The following CDH13 variants were observed in gnomAD, a reference collection of about 807,000 sequenced individuals.
CDH13 encodes cadherin-13.
A neutral mutation model predicts 63.8 loss-of-function variants in CDH13; 24 were observed. The observed-to-expected ratio is 0.38, with a 90% CI of 0.27 to 0.53. CDH13 has a LOEUF of 0.53. Ranked by LOEUF, CDH13 falls within the 20% of genes least tolerant of loss-of-function variation. CDH13 has a pLI of 0.85. For synonymous variants in CDH13, 503 were observed against 355.3 expected (o/e 1.42, Z -4.67); for missense variants, 1,049 against 903.1 (o/e 1.16, Z -2.07).
intron 10 of CDH13, among the ~76,000 whole-genome samples, chr16:83,693,040 A>C (rs1251305467): frequency 6.6e-6 from 1 of 152,190 alleles, no homozygotes; most frequent in Non-Finnish European, 1.5e-5. Flanking sequence ...CTGAGACTGC[A>C]CCACTACACT....
intron 5 of CDH13, among the ~76,000 whole-genome samples, chr16:83,270,702 C>T (rs2088777182): frequency 6.6e-6 from 1 of 152,170 alleles, no homozygotes; most frequent in Admixed American, 6.5e-5. Context: ...TTTTTCAAGA[C>T]ACGTTCCTAT....
intron 3 of CDH13, among the ~76,000 whole-genome samples, chr16:83,101,581 G>T (rs998222516): frequency 1.3e-5 from 2 of 152,070 alleles, no homozygotes; most frequent in Non-Finnish European, 2.9e-5. Flanking sequence ...ATCACATGAG[G>T]TCAGGAGTTC....
intron 7 of CDH13, among the ~76,000 whole-genome samples, chr16:83,560,907 C>CCG (rs1555573421): frequency 1.3e-5 from 2 of 152,116 alleles, no homozygotes; most frequent in Admixed American, 6.5e-5. Context: ...TGGCCCCCCC[C>CCG]CCGCCCCAGG....
At chr16:83,780,641 G>C (rs1915452410) in intron 12 of CDH13, among the ~76,000 whole-genome samples, 1 of 152,122 alleles carries the variant, frequency 6.6e-6, no homozygotes, top group South Asian at 2.1e-4. Flanking sequence ...CTAATCTGTA[G>C]TTTCTGCCAT....
intron 4 of CDH13, among the ~76,000 whole-genome samples, chr16:83,201,362 A>C (rs940982603): frequency 2.0e-5 from 3 of 152,208 alleles, no homozygotes; most frequent in African/African-American, 7.2e-5. Context: ...CGGTGAAGAA[A>C]AATAAGACAA....
intron 1 of CDH13, among the ~76,000 whole-genome samples, chr16:82,727,849 T>C (rs998095650): frequency 6.6e-6 from 1 of 152,140 alleles, no homozygotes; most frequent in African/African-American, 2.4e-5. Flanking sequence ...CCACCCATCT[T>C]TGCCATTCAA....
intron 6 of CDH13, among the ~76,000 whole-genome samples, chr16:83,361,231 C>T (rs1352730987): frequency 6.6e-6 from 1 of 152,128 alleles, no homozygotes; most frequent in Non-Finnish European, 1.5e-5. Flanking sequence ...TGTTTGTCTT[C>T]TTCTGAGAAG....
chr16:83,621,678 G>A (rs1317955944), intron 8 of CDH13, among the ~76,000 whole-genome samples: 1 of 151,568 alleles, frequency 6.6e-6, no homozygotes, highest in Non-Finnish European at 1.5e-5. Context: ...GTAGAGACGA[G>A]GTTTCACCAT....
intron 1 of CDH13, among the ~76,000 whole-genome samples, chr16:82,694,608 T>A (rs1198604171): frequency 6.6e-6 from 1 of 152,198 alleles, no homozygotes; most frequent in Non-Finnish European, 1.5e-5. Context: ...CTGTTAATAC[T>A]CAGCTTTTTT....
At chr16:83,321,525 A>ATTTTTTTTTT (rs10672316) in intron 5 of CDH13, among the ~76,000 whole-genome samples, 2 of 103,650 alleles carry the variant, frequency 1.9e-5, no homozygotes, top group African/African-American at 3.9e-5. Flanking sequence ...GAAATCTGGA[A>ATTTTTTTTTT]TTTTTTTTTT....
intron 6 of CDH13, among the ~76,000 whole-genome samples, chr16:83,425,216 A>G (rs190282775): frequency 6.6e-6 from 1 of 152,204 alleles, no homozygotes; most frequent in Non-Finnish European, 1.5e-5. Context: ...AGGAGTGATG[A>G]TTCTCCCTTT....
intron 5 of CDH13, among the ~76,000 whole-genome samples, chr16:83,255,982 C>G (rs898125592): frequency 6.6e-6 from 1 of 152,158 alleles, no homozygotes; most frequent in African/African-American, 2.4e-5. Flanking sequence ...GCAGACCCAA[C>G]TTCCTAGGGC....
intron 7 of CDH13, among the ~76,000 whole-genome samples, chr16:83,522,060 C>T (rs998988718): frequency 3.3e-5 from 5 of 152,204 alleles, no homozygotes; most frequent in African/African-American, 1.2e-4. Flanking sequence ...CACCTTCCTT[C>T]CTAGGTAAGG....
intron 10 of CDH13, among the ~76,000 whole-genome samples, chr16:83,743,161 C>T (rs1223834086): frequency 1.3e-5 from 2 of 152,062 alleles, no homozygotes; most frequent in Admixed American, 6.6e-5. Flanking sequence ...GGGCTGAGAT[C>T]GCTGCCACTG....
chr16:83,548,838 C>G (rs1295646637), intron 7 of CDH13, among the ~76,000 whole-genome samples: 2 of 152,098 alleles, frequency 1.3e-5, no homozygotes, highest in Admixed American at 1.3e-4. Context: ...GAGGAGAAAC[C>G]TATGATCCTT....
chr16:83,662,818 G>C (rs975412466), intron 8 of CDH13, among the ~76,000 whole-genome samples: 2 of 152,194 alleles, frequency 1.3e-5, no homozygotes, highest in Non-Finnish European at 2.9e-5. Flanking sequence ...GCTCAAGGCA[G>C]CTGGAGTGAA....
intron 2 of CDH13, among the ~76,000 whole-genome samples, chr16:82,915,657 C>A (rs1296424699): frequency 6.6e-6 from 1 of 151,938 alleles, no homozygotes; most frequent in Non-Finnish European, 1.5e-5. Flanking sequence ...GTCTTATCTA[C>A]TGCCTGCTGC....
At chr16:83,218,169 T>C (rs2039595238) in intron 5 of CDH13, among the ~76,000 whole-genome samples, 1 of 152,208 alleles carries the variant, frequency 6.6e-6, no homozygotes, top group South Asian at 2.1e-4. Flanking sequence ...TTGGTTTTCT[T>C]ACCTACTTAA....
In CDH13 at chr16:82,971,087, A is replaced by T. The variant is rs539300714; in HGVS notation, c.158-60923A>T. On this transcript the variant is annotated intron_variant, in intron 2 of 13. Transcript: ENST00000567109. The stretch of plus-strand genomic sequence containing the variant: ...AATTTACTTGCAGAAGAACAAACAC[A>T]TTCTGAGAACAGCCAGGCCTCAACC... Among the ~76,000 whole-genome samples the T allele has an allele frequency of 2.9e-4, 44 of 152,326 alleles. No homozygotes were observed. The South Asian group carries it at 8.7e-3, about 30-fold the overall frequency.
Sources: allele counts gnomAD v4.1 joint callset (sites outside exome capture counted in the v4.1 genomes callset), GRCh38; gene constraint gnomAD v4.1.1; transcripts MANE v1.5; gene names NCBI Gene and HGNC (gene_info 2026-07-23, HGNC 2026-07-21).